PARD3B: variants seen among roughly 807,000 people sequenced by gnomAD.
PARD3B encodes par-3 family cell polarity regulator beta.
A neutral mutation model predicts 130.2 loss-of-function variants in PARD3B; 103 were observed. The observed-to-expected ratio is 0.79, with a 90% CI of 0.67 to 0.93. PARD3B has a LOEUF of 0.93. Ranked by LOEUF, PARD3B falls within the 40% of genes least tolerant of loss-of-function variation. The pLI, the probability that PARD3B is intolerant of heterozygous loss-of-function variation, is 0.00. For missense variants in PARD3B, 1,609 were observed against 1,499.2 expected (o/e 1.07, Z -1.21); for synonymous variants, 583 against 553.2 (o/e 1.05, Z -0.76).
intron 2 of PARD3B, among the ~76,000 whole-genome samples, chr2:204,952,625 C>T (rs756116412): frequency 1.3e-5 from 2 of 151,974 alleles, no homozygotes; most frequent in African/African-American, 4.8e-5. Flanking sequence ...ATAAGAAACA[C>T]TAAAAACAAA....
intron 1 of PARD3B, among the ~76,000 whole-genome samples, chr2:204,653,284 T>A (rs1313837979): frequency 6.8e-6 from 1 of 147,566 alleles, no homozygotes; most frequent in African/African-American, 2.6e-5. Context: ...AAGTTAAAAT[T>A]AAAAAAAAAA....
At chr2:204,566,959 A>G (rs1372265038) in intron 1 of PARD3B, among the ~76,000 whole-genome samples, 5 of 151,370 alleles carry the variant, frequency 3.3e-5, no homozygotes, top group Admixed American at 1.3e-4. Flanking sequence ...GCTCACTGCA[A>G]CCTCCGCCTC....
chr2:205,375,250 T>C (rs913722113), intron 18 of PARD3B, among the ~76,000 whole-genome samples: 1 of 152,230 alleles, frequency 6.6e-6, no homozygotes, highest in African/African-American at 2.4e-5. Context: ...CATAAAGTAC[T>C]GTGAAATACA....
chr2:205,593,203 G>A (rs2054450451), intron 22 of PARD3B, among the ~76,000 whole-genome samples: 1 of 152,158 alleles, frequency 6.6e-6, no homozygotes, highest in African/African-American at 2.4e-5. Flanking sequence ...CAAATGAATT[G>A]TTCCCCAGAA....
intron 2 of PARD3B, among the ~76,000 whole-genome samples, chr2:204,812,951 C>G (rs1486750022): frequency 6.6e-6 from 1 of 152,194 alleles, no homozygotes; most frequent in African/African-American, 2.4e-5. Flanking sequence ...CTTATTCTAA[C>G]ACATTCACCT....
At position 205,615,852 on chromosome 2, in the gene PARD3B, G is replaced by C. The variant is rs1575495332; in HGVS notation, c.*39G>C. The C allele has an allele frequency of 6.6e-7, 1 of 1,524,684 alleles. No homozygotes were observed. The highest frequency in any genetic ancestry group is 9.0e-7 in the Non-Finnish European group (1 of 1,116,290). The allele number at this position is 1,524,684 out of a possible 1,614,324, so 94.4% of individuals were successfully genotyped here. On this transcript the variant is annotated 3_prime_UTR_variant, in exon 23 of 23. Coordinates refer to ENST00000406610, the MANE Select transcript of PARD3B (RefSeq NM_001302769.2). ...AGGCCAGCCCGGTCCAGAAAGGAAG[G>C]TGTCTACTCTACCTTTGCCCTTTCT...
At chr2:205,286,579 T>C (rs1373236131) in intron 16 of PARD3B, among the ~76,000 whole-genome samples, 1 of 152,314 alleles carries the variant, frequency 6.6e-6, no homozygotes, top group East Asian at 1.9e-4. Flanking sequence ...AGTTTCTAAT[T>C]CACAGTTTGT....
At position 205,176,614 on chromosome 2, in the gene PARD3B, T is replaced by A; in HGVS notation, c.1924+37T>A. 1 of 1,507,488 alleles carries A rather than the reference T, an allele frequency of 6.6e-7. No homozygotes were observed. The highest frequency in any genetic ancestry group is 1.3e-5 in the South Asian group (1 of 77,598). The allele number at this position is 1,507,488 out of a possible 1,614,324, so 93.4% of individuals were successfully genotyped here. The stretch of plus-strand genomic sequence containing the variant: ...TTCATTTTATCCACTGCAAATGGAG[T>A]GAGAAAACACAAAAGTGTCTTTTTA... On this transcript the variant is annotated intron_variant, in intron 13 of 22. Transcript: ENST00000406610. This position sits in a 1 kb window ranked among gnomAD's most constrained non-coding sequence, Gnocchi z 5.3.
intron 22 of PARD3B, among the ~76,000 whole-genome samples, chr2:205,573,535 A>G (rs907531531): frequency 1.2e-4 from 19 of 152,194 alleles, no homozygotes; most frequent in African/African-American, 4.3e-4. Flanking sequence ...ATGTATGAAA[A>G]GGAAACTGAG....
intron 1 of PARD3B, among the ~76,000 whole-genome samples, chr2:204,570,757 G>T (rs548409741): frequency 2.0e-5 from 3 of 150,520 alleles, no homozygotes; most frequent in Non-Finnish European, 4.5e-5. Context: ...TGTAACTGAG[G>T]TGTATAAGCT....
intron 2 of PARD3B, among the ~76,000 whole-genome samples, chr2:204,909,067 T>C (rs1421839949): frequency 2.0e-5 from 3 of 151,978 alleles, no homozygotes; most frequent in Non-Finnish European, 4.4e-5. Flanking sequence ...TTACCAGGAG[T>C]TTAGGGATCT....
chr2:205,441,090 A>G (rs2047699638), intron 20 of PARD3B, among the ~76,000 whole-genome samples: 1 of 152,192 alleles, frequency 6.6e-6, no homozygotes, highest in African/African-American at 2.4e-5. Flanking sequence ...TTGAAGTGGG[A>G]ATTACAGAAA....
chr2:205,304,717 C>T (rs2042130466), intron 18 of PARD3B, among the ~76,000 whole-genome samples: 2 of 150,892 alleles, frequency 1.3e-5, no homozygotes, highest in East Asian at 1.9e-4. Context: ...GGGCAAATCA[C>T]TTGAGCCCAG....
chr2:205,207,395 CA>C (rs1323691347), intron 15 of PARD3B, among the ~76,000 whole-genome samples: 1 of 147,650 alleles, frequency 6.8e-6, no homozygotes, highest in East Asian at 2.0e-4. Flanking sequence ...AATAGAGACA[CA>C]AAAAACCCTT....
chr2:204,748,255 G>T (rs749329811), intron 2 of PARD3B, among the ~76,000 whole-genome samples: 1 of 152,048 alleles, frequency 6.6e-6, no homozygotes, highest in Non-Finnish European at 1.5e-5. Flanking sequence ...GTAGAAAAAT[G>T]TCACCAGTTC....
intron 20 of PARD3B, among the ~76,000 whole-genome samples, chr2:205,453,575 C>T (rs2048174966): frequency 6.6e-6 from 1 of 152,076 alleles, no homozygotes; most frequent in Admixed American, 6.6e-5. Flanking sequence ...TGAAACTTAC[C>T]TATGGTGACA....
intron 1 of PARD3B, among the ~76,000 whole-genome samples, chr2:204,588,773 A>G (rs1406219631): frequency 6.6e-6 from 1 of 152,208 alleles, no homozygotes; most frequent in Non-Finnish European, 1.5e-5. Flanking sequence ...AAATCTTTTT[A>G]TTAGAATCAT....
chr2:205,432,990 T>C (rs2047388971), intron 19 of PARD3B, among the ~76,000 whole-genome samples: 1 of 152,200 alleles, frequency 6.6e-6, no homozygotes, highest in Admixed American at 6.5e-5. Context: ...AGTTTCTGCA[T>C]TCATCATTCA....
intron 15 of PARD3B, among the ~76,000 whole-genome samples, chr2:205,213,107 G>A (rs2037732379): frequency 6.6e-6 from 1 of 152,050 alleles, no homozygotes; most frequent in Non-Finnish European, 1.5e-5. Flanking sequence ...AGGCTTGTCA[G>A]TTTCCCAGTC....
Sources: allele counts gnomAD v4.1 joint callset (sites outside exome capture counted in the v4.1 genomes callset), GRCh38; gene constraint gnomAD v4.1.1; non-coding constraint Gnocchi (gnomAD v3.1); transcripts MANE v1.5; gene names NCBI Gene and HGNC (gene_info 2026-07-23, HGNC 2026-07-21).